The following ZNF736 variants were observed in gnomAD, a reference collection of about 807,000 sequenced individuals.
The protein encoded by ZNF736 is KRAB-containing zinc-finger repressor protein.
ZNF736 carries 6 observed loss-of-function variants against 11.7 expected under a neutral mutation model. The ratio of observed to expected loss-of-function variants is 0.51; its 90% CI spans 0.28 to 1.01. The LOEUF is 1.01. Ranked by LOEUF, ZNF736 falls within the 50% of genes least tolerant of loss-of-function variation. The pLI is 0.09. For synonymous variants in ZNF736, 139 were observed against 164.7 expected (o/e 0.84, Z 1.19); for missense variants, 444 against 496.0 (o/e 0.90, Z 1.00).
At chr7:64,329,925 T>C (rs1486420766) in intron 1 of ZNF736, among the ~76,000 whole-genome samples, 1 of 152,194 alleles carries the variant, frequency 6.6e-6, no homozygotes, top group Non-Finnish European at 1.5e-5. Context: ...ATCTACTTGG[T>C]GCTCTATTCT....
chr7:64,323,443 C>CA lies in ZNF736; in HGVS notation c.3+9299dup, dbSNP rs57496141. ...CAGTATATTGTTTTTAAAAGTAAAACAAAAAAAAATACTATTCACAATAGC... is the reference window on the plus strand; with the variant it reads ...CAGTATATTGTTTTTAAAAGTAAAACAAAAAAAAAATACTATTCACAATAGC... On this transcript the variant is annotated intron_variant, in intron 1 of 3. Coordinates refer to ENST00000423484, the MANE Select transcript of ZNF736 (RefSeq NM_001170905.3). Among the ~76,000 whole-genome samples, 3 of 151,932 alleles carry CA rather than the reference C, an allele frequency of 2.0e-5. No homozygotes were observed. The South Asian group carries it at 6.2e-4, about 32-fold the overall frequency.
At position 64,348,742 on chromosome 7, in the gene ZNF736, C is replaced by T; in HGVS notation, c.879C>T (p.Ala293=). 1.2e-6 allele frequency: 2 copies of T among 1,600,848 alleles called. No individual in the cohort carries two copies. The highest frequency in any genetic ancestry group is 1.7e-6 in the Non-Finnish European group (2 of 1,174,088). ...KPYKCEECNK[A]YRWFSDLAKH... is the part of the protein sequence containing the mutation. ...ACAAATGTGAAGAATGTAACAAAGC[C>T]TATAGGTGGTTCTCAGACCTTGCTA... The change falls in exon 4 of 4, where the codon GCC becomes GCT. Residue 293 remains alanine, a synonymous_variant. Coordinates refer to ENST00000423484, the MANE Select transcript of ZNF736 (RefSeq NM_001170905.3).
chr7:64,324,570 C>T (rs1265364772), intron 1 of ZNF736, among the ~76,000 whole-genome samples: 1 of 152,158 alleles, frequency 6.6e-6, no homozygotes, highest in Non-Finnish European at 1.5e-5. Context: ...TGCTCACAAC[C>T]CTCTTAGGAC....
At chr7:64,337,411 A>G (rs1789268954) in intron 3 of ZNF736, 1 of 166,824 alleles carries the variant, frequency 6.0e-6, no homozygotes, top group East Asian at 1.9e-4. Flanking sequence ...GTGATATTAC[A>G]GTTTGGATCA....
At chr7:64,340,668 C>A in intron 3 of ZNF736, among the ~76,000 whole-genome samples, 1 of 152,128 alleles carries the variant, frequency 6.6e-6, no homozygotes, top group East Asian at 1.9e-4. Flanking sequence ...CCTCAGCCTA[C>A]AAAGTTGCTA....
intron 3 of ZNF736, among the ~76,000 whole-genome samples, chr7:64,344,750 G>A (rs1789385448): frequency 6.6e-6 from 1 of 151,928 alleles, no homozygotes; most frequent in Admixed American, 6.6e-5. Flanking sequence ...GCTTCAATAT[G>A]GTGTACAAAT....
chr7:64,333,298 T>A (rs1789197327), intron 1 of ZNF736, among the ~76,000 whole-genome samples: 1 of 152,210 alleles, frequency 6.6e-6, no homozygotes, highest in African/African-American at 2.4e-5. Context: ...ACTTTTTCCT[T>A]ATATACCAGA....
At chr7:64,342,950 G>A (rs11773004) in intron 3 of ZNF736, among the ~76,000 whole-genome samples, 36,526 of 151,742 alleles carry the variant, frequency 0.24, 4,662 homozygotes, top group African/African-American at 0.29. Context: ...GCTTCCAAAG[G>A]TTGCCTTGCC....
intron 1 of ZNF736, among the ~76,000 whole-genome samples, chr7:64,323,443 CA>C (rs57496141): frequency 0.98 from 148,176 of 151,914 alleles, 72,338 homozygotes; most frequent in Non-Finnish European, 1. Context: ...AAAAGTAAAA[CA>C]AAAAAAAATA....
chr7:64,337,194 G>GTGTGTGT (rs1554304554), intron 3 of ZNF736: 1,055 of 540,278 alleles, frequency 2.0e-3, no homozygotes, highest in South Asian at 2.3e-3. Flanking sequence ...AGTAATGTGT[G>GTGTGTGT]TGTGTGTGTT....
chr7:64,337,044 C>G (rs1789261911), intron 3 of ZNF736, 62 bp downstream of exon 3: 4 of 1,379,290 alleles, frequency 2.9e-6, no homozygotes, highest in Non-Finnish European at 2.0e-6. Context: ...AGGAGGAAGC[C>G]AAACCTTTAA....
At chr7:64,336,164 A>T (rs777206032) in intron 1 of ZNF736, 95 bp from the exon 2 acceptor site, 6 of 1,415,954 alleles carry the variant, frequency 4.2e-6, no homozygotes, top group Non-Finnish European at 5.8e-6. Context: ...AGTAACTCAT[A>T]TAAGTCAGAA....
At chr7:64,340,230 T>C (rs796069533) in intron 3 of ZNF736, among the ~76,000 whole-genome samples, 72 of 152,306 alleles carry the variant, frequency 4.7e-4, no homozygotes, top group African/African-American at 1.7e-3. Context: ...CCACAAACTG[T>C]GACTATCAGT....
chr7:64,328,254 G>GTTTT (rs71060587), intron 1 of ZNF736, among the ~76,000 whole-genome samples: 54 of 147,434 alleles, frequency 3.7e-4, no homozygotes, highest in East Asian at 1.4e-3. Flanking sequence ...AGTTGTTTTT[G>GTTTT]TTTTTTTTTT....
intron 1 of ZNF736, among the ~76,000 whole-genome samples, chr7:64,335,582 A>G (rs1208102535): frequency 6.6e-6 from 1 of 152,186 alleles, no homozygotes; most frequent in African/African-American, 2.4e-5. Context: ...CTATTAATAG[A>G]TACCTTGGGG....
rs1471745459 is a variant in ZNF736 at position 64,354,901 on chromosome 7, T to C, written c.*5754T>C. ...TAAGTCATGAGGTCTTTTTGGCATA[T>C]ACATGAAGTAAACAAAGACAATACT... On this transcript the variant is annotated 3_prime_UTR_variant, in exon 4 of 4. Coordinates refer to ENST00000423484, the MANE Select transcript of ZNF736 (RefSeq NM_001170905.3). 1 of 152,222 alleles carries C rather than the reference T, an allele frequency of 6.6e-6. No homozygotes were observed. Among genetic ancestry groups the C allele is most frequent in the Non-Finnish European group, 1.5e-5 (1 of 68,036 alleles). 9.4% of individuals were successfully genotyped at this position (152,222 alleles called of 1,614,324 possible). A position where few individuals can be genotyped will look rare whatever the true frequency, so the allele number is the denominator to read the frequency against.
At chr7:64,324,533 C>T (rs898720753) in intron 1 of ZNF736, among the ~76,000 whole-genome samples, 3 of 152,190 alleles carry the variant, frequency 2.0e-5, no homozygotes, top group African/African-American at 7.2e-5. Flanking sequence ...TTTGCCCCCC[C>T]GGACACATGC....
At chr7:64,344,275 C>T (rs1789379770) in intron 3 of ZNF736, among the ~76,000 whole-genome samples, 1 of 152,158 alleles carries the variant, frequency 6.6e-6, no homozygotes, top group African/African-American at 2.4e-5. Context: ...GCACTCCAGC[C>T]TGGGCTTCAA....
intron 1 of ZNF736, among the ~76,000 whole-genome samples, chr7:64,327,554 A>T (rs549566515): frequency 6.6e-6 from 1 of 152,262 alleles, no homozygotes; most frequent in South Asian, 2.1e-4. Flanking sequence ...TAATAAATAA[A>T]GACTTACACC....
Sources: gnomAD v4.1 joint callset for allele counts (sites outside exome capture counted in the v4.1 genomes callset) on GRCh38, gnomAD v4.1.1 for gene constraint, MANE v1.5 for transcripts, NCBI Gene and HGNC (gene_info 2026-07-23, HGNC 2026-07-21) for gene names.